The following VAV3 variants were observed in gnomAD, a reference collection of about 807,000 sequenced individuals.
VAV3 encodes guanine nucleotide exchange factor VAV3.
Under a neutral mutation model 131.2 loss-of-function variants are expected in VAV3, and 94 were observed. That is an observed-to-expected ratio of 0.72 (90% CI 0.61 to 0.85). The LOEUF is 0.85. VAV3 is among the 40% of genes least tolerant of loss of function. The probability of loss-of-function intolerance (pLI) is 0.00; values close to 1 mark genes in which losing one functional copy is unlikely to be tolerated. For missense variants in VAV3, 939 were observed against 1,002.7 expected (o/e 0.94, Z 0.86); for synonymous variants, 349 against 342.0 (o/e 1.02, Z -0.22).
chr1:107,875,290 A>G (rs1489338735), intron 1 of VAV3, among the ~76,000 whole-genome samples: 2 of 152,204 alleles, frequency 1.3e-5, no homozygotes, highest in Non-Finnish European at 2.9e-5. Flanking sequence ...AACACAAATA[A>G]GCAAGTATTT....
Position 107,596,297 on chromosome 1 carries a change from G to A in VAV3, c.2265C>T (p.Phe755=). 6.2e-7 allele frequency: 1 copy of A among 1,613,552 alleles called. No individual in the cohort carries two copies. Among genetic ancestry groups the A allele is most frequent in the South Asian group, 1.1e-5 (1 of 91,036 alleles). The change falls in exon 25 of 27, where the codon TTC becomes TTT. Residue 755 remains phenylalanine, a synonymous_variant. Transcript: ENST00000370056. The part of the protein sequence containing the change: ...YYKHHSLKEG[F]RTLDTTLQFP... ...ACTGCAGAGTTGTATCTAAGGTTCT[G>A]AACCCTTCCTTGAGAGAATGATGCT...
At chr1:107,794,341 T>A (rs2102281069) in intron 2 of VAV3, among the ~76,000 whole-genome samples, 1 of 105,324 alleles carries the variant, frequency 9.5e-6, no homozygotes, top group Non-Finnish European at 2.4e-5. Context: ...ATTAGCTTGA[T>A]TCATCATTTT....
chr1:107,963,807 C>T (rs1218183102), intron 1 of VAV3, among the ~76,000 whole-genome samples: 2 of 152,170 alleles, frequency 1.3e-5, no homozygotes, highest in Non-Finnish European at 2.9e-5. Flanking sequence ...TAACATCCTT[C>T]TGTACAAAAA....
intron 17 of VAV3, among the ~76,000 whole-genome samples, chr1:107,696,361 A>T (rs1659744318): frequency 6.6e-6 from 1 of 152,248 alleles, no homozygotes; most frequent in South Asian, 2.1e-4. Flanking sequence ...TGTTAATTAT[A>T]GTCAGCCTAT....
Position 107,964,926 on chromosome 1 carries a change from G to C in VAV3, c.-57C>G. On this transcript the variant is annotated 5_prime_UTR_variant, in exon 1 of 27. Transcript: ENST00000370056. ...GGCGGGCGGCAAGGATGCGGCCGCC[G>C]CCGCCGCCGCCGCGGTTCCTCCGCG... 1 of 1,202,366 alleles carries C rather than the reference G, an allele frequency of 8.3e-7. No homozygotes were observed. 74.5% of individuals were successfully genotyped at this position (1,202,366 alleles called of 1,614,324 possible). A position where few individuals can be genotyped will look rare whatever the true frequency, so the allele number is the denominator to read the frequency against.
At chr1:107,738,786 T>G (rs1662835896) in intron 15 of VAV3, among the ~76,000 whole-genome samples, 1 of 152,182 alleles carries the variant, frequency 6.6e-6, no homozygotes, top group Admixed American at 6.6e-5. Context: ...CAGTGGAGAC[T>G]TTGTCATATA....
intron 25 of VAV3, among the ~76,000 whole-genome samples, chr1:107,583,513 C>A (rs372296423): frequency 6.6e-6 from 1 of 152,032 alleles, no homozygotes; most frequent in South Asian, 2.1e-4. Flanking sequence ...GAAAACCCCA[C>A]TGTCTCAGCC....
intron 2 of VAV3, among the ~76,000 whole-genome samples, chr1:107,822,173 C>T (rs74614887): frequency 0.093 from 14,163 of 152,092 alleles, 832 homozygotes; most frequent in East Asian, 0.25. Flanking sequence ...GAGAGTTCCA[C>T]AGTGGGCATG....
chr1:107,906,493 T>C (rs1672114475), intron 1 of VAV3, among the ~76,000 whole-genome samples: 1 of 151,758 alleles, frequency 6.6e-6, no homozygotes, highest in African/African-American at 2.4e-5. Flanking sequence ...TGAAACCCCG[T>C]CTCTACTAAA....
At chr1:107,833,481 A>G (rs758636012) in intron 2 of VAV3, among the ~76,000 whole-genome samples, 15 of 152,226 alleles carry the variant, frequency 9.9e-5, no homozygotes, top group Non-Finnish European at 1.9e-4. Flanking sequence ...TTTAAAGAAA[A>G]TATTATCACG....
In VAV3 at chr1:107,603,133, T is replaced by C. The variant is rs377398470; in HGVS notation, c.2046A>G (p.Ala682=). The C allele has an allele frequency of 2.5e-6, 4 of 1,613,394 alleles. No homozygotes were observed. In the African/African-American group the frequency reaches 5.3e-5, roughly 22 times the overall value. The change falls in exon 23 of 27, where the codon GCA becomes GCG. Residue 682 remains alanine, a synonymous_variant. Transcript: ENST00000370056. ...TTACCCTATTAATAAGTTCGGTCTCTGCTTGCAATCTTTCCATTGCTCCAG... is the reference window on the plus strand; with the variant it reads ...TTACCCTATTAATAAGTTCGGTCTCCGCTTGCAATCTTTCCATTGCTCCAG... ...WYAGAMERLQ[A]ETELINRVNS...
chr1:107,736,814 C>A (rs544515806), intron 15 of VAV3, among the ~76,000 whole-genome samples: 87 of 152,200 alleles, frequency 5.7e-4, no homozygotes, highest in African/African-American at 6.7e-4. Flanking sequence ...CATCCCCATC[C>A]AGCTACCAAT....
At chr1:107,637,787 A>G (rs1655045555) in intron 20 of VAV3, among the ~76,000 whole-genome samples, 2 of 152,208 alleles carry the variant, frequency 1.3e-5, no homozygotes, top group African/African-American at 4.8e-5. Context: ...CTAGATCCCA[A>G]TTCATTCCTT....
chr1:107,641,299 AATTG>A (rs1655318458), intron 20 of VAV3, among the ~76,000 whole-genome samples: 1 of 152,098 alleles, frequency 6.6e-6, no homozygotes, highest in African/African-American at 2.4e-5. Flanking sequence ...GCATGTGCAC[AATTG>A]ATTATTATCC....
chr1:107,716,251 G>A (rs182734261), intron 15 of VAV3, among the ~76,000 whole-genome samples: 38 of 152,198 alleles, frequency 2.5e-4, no homozygotes, highest in African/African-American at 9.2e-4. Context: ...ACTTTAAAAC[G>A]TTAAATGTGT....
intron 20 of VAV3, among the ~76,000 whole-genome samples, chr1:107,639,769 C>T (rs903682913): frequency 9.9e-5 from 15 of 151,718 alleles, no homozygotes; most frequent in African/African-American, 3.1e-4. Flanking sequence ...CTTAGCTAGA[C>T]ACTATCTCTA....
At chr1:107,842,696 G>A (rs1668779479) in intron 2 of VAV3, among the ~76,000 whole-genome samples, 1 of 151,922 alleles carries the variant, frequency 6.6e-6, no homozygotes, top group African/African-American at 2.4e-5. Context: ...TGGTTTTCTG[G>A]TTATGCAGGG....
chr1:107,806,826 A>G (rs1667081732), intron 2 of VAV3, among the ~76,000 whole-genome samples: 1 of 152,184 alleles, frequency 6.6e-6, no homozygotes, highest in African/African-American at 2.4e-5. Context: ...CCTCCCTCAG[A>G]TAACAAAATC....
intron 15 of VAV3, among the ~76,000 whole-genome samples, chr1:107,715,905 T>C (rs1661064866): frequency 6.6e-6 from 1 of 152,202 alleles, no homozygotes; most frequent in Non-Finnish European, 1.5e-5. Context: ...TTTCAAATTA[T>C]GTCTGATAAT....
Sources: gnomAD v4.1 joint callset for allele counts (sites outside exome capture counted in the v4.1 genomes callset) on GRCh38, gnomAD v4.1.1 for gene constraint, MANE v1.5 for transcripts, NCBI Gene and HGNC (gene_info 2026-07-23, HGNC 2026-07-21) for gene names.